Variants in CSNK2A2IP observed in about 807,000 individuals in gnomAD.
CSNK2A2IP encodes casein kinase 2 subunit alpha' interacting protein.
At chr3:88,368,267 C>T in the CSNK2A2IP span, among the ~76,000 whole-genome samples, 194 of 151,990 alleles carry the variant, frequency 1.3e-3, 2 homozygotes, top group African/African-American at 4.3e-3. Flanking sequence ...AGAGCATTTG[C>T]CTTCAAGCAG....
At chr3:88,400,260 C>T in the CSNK2A2IP span, among the ~76,000 whole-genome samples, 4 of 152,188 alleles carry the variant, frequency 2.6e-5, no homozygotes, top group Non-Finnish European at 5.9e-5. Context: ...GACTCCCTGC[C>T]AGTAATGAGA....
chr3:88,419,174 G>C, the CSNK2A2IP span, among the ~76,000 whole-genome samples: 1 of 152,112 alleles, frequency 6.6e-6, no homozygotes, highest in Non-Finnish European at 1.5e-5. Context: ...AATAATAATA[G>C]ACATAAAGTG....
At chr3:88,410,633 T>C in the CSNK2A2IP span, among the ~76,000 whole-genome samples, 2 of 152,116 alleles carry the variant, frequency 1.3e-5, no homozygotes, top group Admixed American at 1.3e-4. Context: ...TCTCCTAAAG[T>C]TTAGTCATCT....
At chr3:88,352,216 TCTATCTAC>T in the CSNK2A2IP span, among the ~76,000 whole-genome samples, 1 of 152,160 alleles carries the variant, frequency 6.6e-6, no homozygotes, top group Non-Finnish European at 1.5e-5. Flanking sequence ...CTCTCTCTCA[TCTATCTAC>T]CTATCTATCT....
chr3:88,406,314 G>A, the CSNK2A2IP span, among the ~76,000 whole-genome samples: 1 of 152,104 alleles, frequency 6.6e-6, no homozygotes. Context: ...AATGCATAAT[G>A]GTTATATGTA....
At chr3:88,377,922 G>T in the CSNK2A2IP span, among the ~76,000 whole-genome samples, 1 of 151,740 alleles carries the variant, frequency 6.6e-6, no homozygotes. Context: ...ATTCAGCCTT[G>T]TTTAAGCAAT....
chr3:88,448,340 T>C, the CSNK2A2IP span, among the ~76,000 whole-genome samples: 1 of 152,226 alleles, frequency 6.6e-6, no homozygotes, highest in Non-Finnish European at 1.5e-5. Flanking sequence ...TCAATGTCTG[T>C]ATCTATATCT....
At chr3:88,396,104 CTTTTTTTT>C in the CSNK2A2IP span, among the ~76,000 whole-genome samples, 1 of 115,366 alleles carries the variant, frequency 8.7e-6, no homozygotes, top group African/African-American at 3.1e-5. Context: ...CTACCTACTT[CTTTTTTTT>C]TTTTTTTTTT....
the CSNK2A2IP span, among the ~76,000 whole-genome samples, chr3:88,392,190 A>G: frequency 1.3e-5 from 2 of 152,184 alleles, no homozygotes; most frequent in Non-Finnish European, 2.9e-5. Context: ...AGTAGGTAGT[A>G]CAGGGCAAAC....
the CSNK2A2IP span, among the ~76,000 whole-genome samples, chr3:88,346,484 G>A: frequency 6.6e-6 from 1 of 151,910 alleles, no homozygotes; most frequent in Non-Finnish European, 1.5e-5. Context: ...GGTGACCTTC[G>A]GTGGAGCCAG....
At chr3:88,348,921 C>T in the CSNK2A2IP span, among the ~76,000 whole-genome samples, 3 of 151,710 alleles carry the variant, frequency 2.0e-5, no homozygotes, top group Admixed American at 2.0e-4. Context: ...TTCTTTCTGC[C>T]CTTTCCCAAT....
the CSNK2A2IP span, among the ~76,000 whole-genome samples, chr3:88,446,078 CTTTCTTTCTTTCTTTCTTTCTTTT>C: frequency 1.8e-3 from 187 of 106,638 alleles, 1 homozygote; most frequent in Non-Finnish European, 2.4e-3. Context: ...TTCTTTCTTT[CTTTCTTTCTTTCTTTCTTTCTTTT>C]TTTCTTTCTT....
At chr3:88,358,307 A>G in the CSNK2A2IP span, among the ~76,000 whole-genome samples, 8 of 152,090 alleles carry the variant, frequency 5.3e-5, no homozygotes, top group African/African-American at 1.9e-4. Flanking sequence ...TTCTTTTCCA[A>G]TTTGGGTGCC....
At chr3:88,428,977 G>C in the CSNK2A2IP span, among the ~76,000 whole-genome samples, 1 of 96,224 alleles carries the variant, frequency 1.0e-5, no homozygotes, top group Non-Finnish European at 2.3e-5. Context: ...TTTCCCCTTG[G>C]GTCAGAACAT....
the CSNK2A2IP span, among the ~76,000 whole-genome samples, chr3:88,370,839 A>C: frequency 1.8e-4 from 27 of 151,826 alleles, no homozygotes; most frequent in Non-Finnish European, 2.9e-5. Flanking sequence ...AGGTTGCAAA[A>C]GTGGAGCCTT....
At chr3:88,381,619 T>C in the CSNK2A2IP span, among the ~76,000 whole-genome samples, 1 of 152,190 alleles carries the variant, frequency 6.6e-6, no homozygotes, top group Admixed American at 6.5e-5. Flanking sequence ...CAAGAGGGTG[T>C]ATCTTCAGAC....
the CSNK2A2IP span, among the ~76,000 whole-genome samples, chr3:88,391,313 A>G: frequency 6.6e-6 from 1 of 152,094 alleles, no homozygotes; most frequent in Admixed American, 6.5e-5. Context: ...TATACTGTTT[A>G]CTCATTTATT....
chr3:88,439,836 G>A, the CSNK2A2IP span, among the ~76,000 whole-genome samples: 4 of 151,986 alleles, frequency 2.6e-5, no homozygotes, highest in African/African-American at 9.7e-5. Context: ...TTGAGGAGAC[G>A]AGGAGAAAAA....
chr3:88,414,502 C>T, the CSNK2A2IP span, among the ~76,000 whole-genome samples: 4 of 151,678 alleles, frequency 2.6e-5, no homozygotes, highest in Non-Finnish European at 2.9e-5. Flanking sequence ...AGGCTGCTCT[C>T]GATCTCCTGA....
Sources: allele counts gnomAD v4.1 joint callset (sites outside exome capture counted in the v4.1 genomes callset), GRCh38; gene constraint gnomAD v4.1.1; transcripts MANE v1.5; gene names NCBI Gene and HGNC (gene_info 2026-07-23, HGNC 2026-07-21).